Variants in VKORC1L1 observed in about 807,000 individuals in gnomAD.
VKORC1L1 encodes the protein vitamin K epoxide reductase complex subunit 1-like protein 1.
VKORC1L1 carries 2 observed loss-of-function variants against 18.9 expected under a neutral mutation model. The ratio of observed to expected loss-of-function variants is 0.11; its 90% CI spans 0.04 to 0.33. The LOEUF is 0.33. Among genes scored for constraint, VKORC1L1 ranks in the 10% least tolerant of loss-of-function variants. VKORC1L1 has a pLI of 1.00. For synonymous variants in VKORC1L1, 96 were observed against 100.0 expected, an observed-to-expected ratio of 0.96 and a Z score of 0.24; for missense variants, 123 against 224.1, an observed-to-expected ratio of 0.55 and a Z score of 2.88.
the VKORC1L1 span, among the ~76,000 whole-genome samples, chr7:65,866,662 C>T: frequency 4.6e-5 from 7 of 152,168 alleles, no homozygotes; most frequent in African/African-American, 1.4e-4. Flanking sequence ...GTAATCCCAA[C>T]ACTGTGGGAG....
intron 1 of VKORC1L1, among the ~76,000 whole-genome samples, chr7:65,885,722 T>C (rs1337014399): frequency 6.6e-6 from 1 of 152,140 alleles, no homozygotes; most frequent in East Asian, 1.9e-4. Context: ...GGATTCTCAG[T>C]TCTGTTCCAG....
intron 2 of VKORC1L1, among the ~76,000 whole-genome samples, chr7:65,950,227 T>G (rs1352181500): frequency 6.6e-6 from 1 of 152,218 alleles, no homozygotes; most frequent in East Asian, 1.9e-4. Context: ...ATCCCGATAC[T>G]AGTACATTTT....
In VKORC1L1 at chr7:65,951,916, T is replaced by C. The variant is rs185826731; in HGVS notation, c.305-2158T>C. 1.9e-3 allele frequency among the ~76,000 whole-genome samples: 284 copies of C among 152,334 alleles called. 3 individuals are homozygous for C. Among genetic ancestry groups the C allele is most frequent in the African/African-American group, 6.6e-3 (276 of 41,576 alleles). ...ATTGCATAATTGTACCATCATTTAT[T>C]TAGAGTTACAGCACATTTTAAATTC... On this transcript the variant is annotated intron_variant, in intron 2 of 2. Transcript: ENST00000360768.
At chr7:65,871,286 C>T (rs1788722777), upstream of VKORC1L1, among the ~76,000 whole-genome samples, 1 of 152,132 alleles carries the variant, frequency 6.6e-6, no homozygotes, top group Admixed American at 6.6e-5. Flanking sequence ...ACCTCCACCT[C>T]CCAGGTTCAA....
chr7:65,876,397 G>A (rs1788827720), intron 1 of VKORC1L1, among the ~76,000 whole-genome samples: 1 of 151,982 alleles, frequency 6.6e-6, no homozygotes, highest in Non-Finnish European at 1.5e-5. Context: ...AGCTACTCGG[G>A]AGGCTGAGGC....
intron 1 of VKORC1L1, among the ~76,000 whole-genome samples, chr7:65,895,427 G>C (rs994346564): frequency 8.1e-6 from 1 of 124,076 alleles, no homozygotes; most frequent in Non-Finnish European, 1.6e-5. Flanking sequence ...ACCAGCCTGG[G>C]CCATATAGTG....
intron 1 of VKORC1L1, among the ~76,000 whole-genome samples, chr7:65,884,990 A>G (rs1341906392): frequency 3.9e-5 from 6 of 152,194 alleles, no homozygotes; most frequent in Non-Finnish European, 1.5e-5. Flanking sequence ...TTTCAAGTCT[A>G]TGATAATTTT....
intron 1 of VKORC1L1, among the ~76,000 whole-genome samples, chr7:65,945,397 G>T (rs1212809952): frequency 6.6e-6 from 1 of 152,098 alleles, no homozygotes; most frequent in African/African-American, 2.4e-5. Flanking sequence ...AGATCACGAG[G>T]TCAGCAGATC....
At chr7:65,880,974 T>A (rs1479880344) in intron 1 of VKORC1L1, among the ~76,000 whole-genome samples, 1 of 152,168 alleles carries the variant, frequency 6.6e-6, no homozygotes, top group Non-Finnish European at 1.5e-5. Context: ...TTCCGTTGAG[T>A]GTCATTGGCA....
chr7:65,929,733 T>G (rs1057332814), intron 1 of VKORC1L1, among the ~76,000 whole-genome samples: 6 of 148,732 alleles, frequency 4.0e-5, no homozygotes, highest in Admixed American at 1.4e-4. Context: ...TTTAAAAATT[T>G]TTTTTTGTAG....
rs116372757 is a variant in VKORC1L1, at chr7:65,933,516, C to T, written c.195-15155C>T. Among the ~76,000 whole-genome samples, 1,159 of 152,040 alleles carry T rather than the reference C, an allele frequency of 7.6e-3. 13 individuals are homozygous for T. Among genetic ancestry groups the T allele is most frequent in the African/African-American group, 0.026 (1,068 of 41,466 alleles). On this transcript the variant is annotated intron_variant, in intron 1 of 2. Coordinates refer to ENST00000360768, the MANE Select transcript of VKORC1L1 (RefSeq NM_173517.6). ...TACATTTTAACCATTTTCTGGATTT[C>T]TTTTGATTAGTGTTTGTATGATGTA... is the stretch of plus-strand genomic sequence containing the variant.
intron 1 of VKORC1L1, among the ~76,000 whole-genome samples, chr7:65,878,901 C>T (rs1788876172): frequency 6.6e-6 from 1 of 151,944 alleles, no homozygotes; most frequent in Non-Finnish European, 1.5e-5. Context: ...GAGTGAGACT[C>T]TGTCTCAAAA....
chr7:65,924,504 C>G (rs926395588), intron 1 of VKORC1L1, among the ~76,000 whole-genome samples: 27 of 152,170 alleles, frequency 1.8e-4, no homozygotes, highest in Admixed American at 1.1e-3. Context: ...CATGACTATT[C>G]TATAATATTA....
At chr7:65,952,778 C>CTTTTTTTTTTTTTTT (rs11395208) in intron 2 of VKORC1L1, among the ~76,000 whole-genome samples, 2 of 86,612 alleles carry the variant, frequency 2.3e-5, no homozygotes, top group Non-Finnish European at 4.1e-5. Context: ...TTTTTTTTTC[C>CTTTTTTTTTTTTTTT]TTTTTTTTTT....
intron 1 of VKORC1L1, among the ~76,000 whole-genome samples, chr7:65,893,987 T>A (rs897030526): frequency 6.6e-6 from 1 of 151,830 alleles, no homozygotes; most frequent in Non-Finnish European, 1.5e-5. Context: ...GGAGTTTCGC[T>A]CCTGTTGCCC....
At chr7:65,929,684 A>G (rs1248803695) in intron 1 of VKORC1L1, among the ~76,000 whole-genome samples, 60 of 142,030 alleles carry the variant, frequency 4.2e-4, no homozygotes, top group Non-Finnish European at 5.8e-4. Flanking sequence ...GTGTGTGTGT[A>G]TATATATATA....
At chr7:65,935,413 G>T (rs887281646) in intron 1 of VKORC1L1, among the ~76,000 whole-genome samples, 2 of 151,932 alleles carry the variant, frequency 1.3e-5, no homozygotes, top group Admixed American at 1.3e-4. Flanking sequence ...AAGTTCAAGC[G>T]ATTCTCCTGC....
At chr7:65,899,047 A>G (rs1789265284) in intron 1 of VKORC1L1, among the ~76,000 whole-genome samples, 1 of 152,192 alleles carries the variant, frequency 6.6e-6, no homozygotes, top group African/African-American at 2.4e-5. Context: ...AAAAGACATG[A>G]CCTTATTCAG....
chr7:65,923,550 G>A, intron 1 of VKORC1L1, among the ~76,000 whole-genome samples: 1 of 152,130 alleles, frequency 6.6e-6, no homozygotes, highest in Non-Finnish European at 1.5e-5. Context: ...AGCAGTGGCT[G>A]GAGCATATGT....
Sources: allele counts gnomAD v4.1 joint callset (sites outside exome capture counted in the v4.1 genomes callset), GRCh38; gene constraint gnomAD v4.1.1; transcripts MANE v1.5; gene names NCBI Gene and HGNC (gene_info 2026-07-23, HGNC 2026-07-21).